RAB7A: variants seen among roughly 807,000 people sequenced by gnomAD.
RAB7A encodes the protein RAB7A, member RAS oncogene family, also known as ras-related protein Rab-7a.
A neutral mutation model predicts 24.5 loss-of-function variants in RAB7A; 2 were observed. The ratio of observed to expected loss-of-function variants is 0.08; its 90% CI spans 0.03 to 0.26. The LOEUF (loss-of-function observed/expected upper bound fraction) is 0.26. Ranked by LOEUF, RAB7A falls within the 10% of genes least tolerant of loss-of-function variation. RAB7A has a pLI of 1.00. For synonymous variants in RAB7A, 100 were observed against 95.9 expected (o/e 1.04, Z -0.25); for missense variants, 118 against 255.7 (o/e 0.46, Z 3.67).
chr3:128,770,005 C>CTTT (rs766245243), intron 1 of RAB7A, among the ~76,000 whole-genome samples: 1 of 140,782 alleles, frequency 7.1e-6, no homozygotes, highest in Non-Finnish European at 1.6e-5. Context: ...TTCCTTTTTT[C>CTTT]TTTTTTTTTT....
rs547119818 is a variant in RAB7A at position 128,747,755 on chromosome 3, ATTTTG to A, written c.-9+21421_-9+21425del. Among the ~76,000 whole-genome samples the A allele has an allele frequency of 1.9e-4, 29 of 150,982 alleles. No individual in the cohort carries two copies. In the East Asian group the frequency reaches 2.3e-3, roughly 12 times the overall value. Reference sequence around the variant, plus strand: ...TGCAGGAAGCAAAGGATTCTTTTTCATTTTGTTTTGTTTTGTTTTGTTTTGTTTTT... The same window carrying A: ...TGCAGGAAGCAAAGGATTCTTTTTCATTTTGTTTTGTTTTGTTTTGTTTTT... On this transcript the variant is annotated intron_variant, in intron 1 of 5. Transcript: ENST00000265062.
At chr3:128,764,376 A>G (rs780205326) in intron 1 of RAB7A, 130 of 652,872 alleles carry the variant, frequency 2.0e-4, no homozygotes, top group Non-Finnish European at 1.4e-4. Context: ...GGCACAACTT[A>G]TAGAAAAGGT....
At chr3:128,727,353 T>C (rs1045932506) in intron 1 of RAB7A, among the ~76,000 whole-genome samples, 1 of 152,204 alleles carries the variant, frequency 6.6e-6, no homozygotes, top group Admixed American at 6.5e-5. Context: ...AGCACTGTAT[T>C]AAATTTCTAG....
At chr3:128,764,489 C>T (rs1418891256) in intron 1 of RAB7A, 4 of 785,744 alleles carry the variant, frequency 5.1e-6, no homozygotes, top group Non-Finnish European at 9.1e-6. Context: ...TCACTGTCTC[C>T]CAGGGTGTTC....
At chr3:128,751,492 A>G (rs1321523847) in intron 1 of RAB7A, among the ~76,000 whole-genome samples, 1 of 152,180 alleles carries the variant, frequency 6.6e-6, no homozygotes, top group Non-Finnish European at 1.5e-5. Flanking sequence ...TTGGACTTGG[A>G]TGGGGCCTGT....
intron 1 of RAB7A, among the ~76,000 whole-genome samples, chr3:128,764,143 C>T (rs947345852): frequency 3.9e-5 from 6 of 152,070 alleles, no homozygotes; most frequent in Admixed American, 6.5e-5. Flanking sequence ...TCCCATTTAG[C>T]GGGGCTGGAA....
intron 1 of RAB7A, among the ~76,000 whole-genome samples, chr3:128,782,815 G>A (rs183625557): frequency 6.6e-6 from 1 of 152,264 alleles, no homozygotes; most frequent in Non-Finnish European, 1.5e-5. Flanking sequence ...TACGTTTTAA[G>A]TAAGAGTCCA....
At chr3:128,801,170 A>G (rs1426182438) in intron 3 of RAB7A, among the ~76,000 whole-genome samples, 1 of 152,256 alleles carries the variant, frequency 6.6e-6, no homozygotes, top group Non-Finnish European at 1.5e-5. Flanking sequence ...AGAGATGTGT[A>G]CAGCATAGTG....
chr3:128,770,972 C>CT (rs35146916), intron 1 of RAB7A, among the ~76,000 whole-genome samples: 7,163 of 141,782 alleles, frequency 0.051, 303 homozygotes, highest in South Asian at 0.13. Flanking sequence ...GGGAATGTGA[C>CT]TTTTTTTTTT....
intron 1 of RAB7A, among the ~76,000 whole-genome samples, chr3:128,774,275 T>G (rs1933027841): frequency 6.6e-6 from 1 of 151,234 alleles, no homozygotes; most frequent in Admixed American, 6.6e-5. Context: ...AGGAGTGACT[T>G]CCCCCTTCTC....
At position 128,745,512 on chromosome 3, in the gene RAB7A, C is replaced by T. The variant is rs548023535; in HGVS notation, c.-9+19153C>T. 8.5e-5 allele frequency among the ~76,000 whole-genome samples: 13 copies of T among 152,226 alleles called. 1 individual carries two copies. Among genetic ancestry groups the T allele is most frequent in the Admixed American group, 2.0e-4 (3 of 15,302 alleles). On this transcript the variant is annotated intron_variant, in intron 1 of 5. Coordinates refer to ENST00000265062, the MANE Select transcript of RAB7A (RefSeq NM_004637.6). ...CTGAGTAGCTGGGATTACAGGTGCG[C>T]GCACCACCATGCCCAACTAATTTTT...
In RAB7A at chr3:128,813,681, C is replaced by A. The variant is rs1472102239; in HGVS notation, c.*259C>A. On this transcript the variant is annotated 3_prime_UTR_variant, in exon 6 of 6. Coordinates refer to ENST00000265062, the MANE Select transcript of RAB7A (RefSeq NM_004637.6). ...TGGCTCCTTGGGGTCTGCCTGCCCA[C>A]CCACATGAGCCCGCGAGTATGGCAG... 5.8e-6 allele frequency: 3 copies of A among 519,536 alleles called. No individual in the cohort carries two copies. In the Admixed American group the frequency reaches 8.8e-5, roughly 15 times the overall value. 32.2% of individuals were successfully genotyped at this position (519,536 alleles called of 1,614,324 possible). A position where few individuals can be genotyped will look rare whatever the true frequency, so the allele number is the denominator to read the frequency against.
intron 1 of RAB7A, chr3:128,765,150 C>A: frequency 1.4e-6 from 1 of 699,860 alleles, no homozygotes; most frequent in Non-Finnish European, 2.6e-6. Context: ...GGGTGGGGGA[C>A]GAGCGCTGGG....
intron 1 of RAB7A, among the ~76,000 whole-genome samples, chr3:128,776,888 T>G (rs564064847): frequency 6.6e-6 from 1 of 151,756 alleles, no homozygotes; most frequent in South Asian, 2.1e-4. Flanking sequence ...TTCTAACGGG[T>G]GTGAGGTGGT....
chr3:128,733,695 G>A (rs766426583), intron 1 of RAB7A, among the ~76,000 whole-genome samples: 29 of 152,222 alleles, frequency 1.9e-4, no homozygotes, highest in Middle Eastern at 6.8e-3. Context: ...GACACCAGTC[G>A]TATTGGATTG....
At chr3:128,794,218 A>C (rs915871064) in intron 1 of RAB7A, among the ~76,000 whole-genome samples, 1 of 152,104 alleles carries the variant, frequency 6.6e-6, no homozygotes, top group Non-Finnish European at 1.5e-5. Context: ...TCTGTTACTC[A>C]TCTCTGTATT....
chr3:128,791,323 T>G (rs1933448228), intron 1 of RAB7A, among the ~76,000 whole-genome samples: 1 of 152,164 alleles, frequency 6.6e-6, no homozygotes, highest in African/African-American at 2.4e-5. Flanking sequence ...GTATTTTTGG[T>G]AGAGACAGAG....
In RAB7A at chr3:128,807,518, A is replaced by G. The variant is rs201553770; in HGVS notation, c.400-25A>G. 1,063 of 1,613,566 alleles carry G rather than the reference A, an allele frequency of 6.6e-4. 8 individuals carry two copies. The highest frequency in any genetic ancestry group is 3.7e-4 in the Admixed American group (22 of 60,028). On this transcript the variant is annotated intron_variant, in intron 4 of 5. Transcript: ENST00000265062. ...TGCTGGCTGCTTCTGTCATGAGCCT[A>G]TGTGCACCCTGCTTCTTCTTTCAGG...
chr3:128,771,004 C>T lies in RAB7A; in HGVS notation c.-8-24356C>T, dbSNP rs368389775. 2.5e-4 allele frequency among the ~76,000 whole-genome samples: 38 copies of T among 150,434 alleles called. 1 individual carries two copies. In the South Asian group the frequency reaches 7.7e-3, roughly 31 times the overall value. ...TTTTTTTTTGAGTCAGGGTCTCACT[C>T]TGTCACCCAGGCTGGAGTGCAGTGG... On this transcript the variant is annotated intron_variant, in intron 1 of 5. Coordinates refer to ENST00000265062, the MANE Select transcript of RAB7A (RefSeq NM_004637.6).
Sources: allele counts gnomAD v4.1 joint callset (sites outside exome capture counted in the v4.1 genomes callset), GRCh38; gene constraint gnomAD v4.1.1; transcripts MANE v1.5; gene names NCBI Gene and HGNC (gene_info 2026-07-23, HGNC 2026-07-21).